ZNF667: variants seen among roughly 807,000 people sequenced by gnomAD.
ZNF667 encodes myocardial ischemic preconditioning upregulated 1 ortholog.
A neutral mutation model predicts 31.8 loss-of-function variants in ZNF667; 13 were observed. That is an observed-to-expected ratio of 0.41 (90% CI 0.27 to 0.65). ZNF667 has a LOEUF of 0.65. Among genes scored for constraint, ZNF667 ranks in the 30% least tolerant of loss-of-function variants. The pLI, the probability that ZNF667 is intolerant of heterozygous loss-of-function variation, is 0.32. For synonymous variants in ZNF667, 228 were observed against 247.1 expected (o/e 0.92, Z 0.73); for missense variants, 642 against 725.6 (o/e 0.88, Z 1.32).
At chr19:56,468,787 C>T (rs549674173) in intron 3 of ZNF667, 2 of 152,244 alleles carry the variant, frequency 1.3e-5, no homozygotes, top group Admixed American at 1.3e-4. Context: ...CAAGTGGGCT[C>T]AACATAATTA....
At chr19:56,463,759 C>A (rs1383795713) in intron 3 of ZNF667, among the ~76,000 whole-genome samples, 2 of 152,108 alleles carry the variant, frequency 1.3e-5, no homozygotes, top group African/African-American at 2.4e-5. Flanking sequence ...CTCCTGGGCT[C>A]AAGCAATCAG....
rs1368916329 is a variant in ZNF667 at position 56,441,270 on chromosome 19, T to C, written c.1725A>G (p.Arg575=). The part of the protein sequence containing the change: ...SSGSDLIRHQ[R]SHSSEKPYEC... Reference sequence around the variant, plus strand: ...CATAGGGTTTCTCTGAAGAATGACTTCTCTGATGTCGAATAAGGTCTGAGC... The same window carrying C: ...CATAGGGTTTCTCTGAAGAATGACTCCTCTGATGTCGAATAAGGTCTGAGC... The change falls in exon 7 of 7, where the codon AGA becomes AGG. Residue 575 remains arginine (R), a synonymous_variant. Transcript: ENST00000504904. This position sits in a 1 kb window ranked among gnomAD's most constrained non-coding sequence, Gnocchi z 4.2. 2 of 1,614,026 alleles carry C rather than the reference T, an allele frequency of 1.2e-6. No homozygotes were observed. The highest frequency in any genetic ancestry group is 1.7e-6 in the Non-Finnish European group (2 of 1,179,986).
chr19:56,470,393 G>A (rs2043266616), intron 3 of ZNF667, among the ~76,000 whole-genome samples: 1 of 152,234 alleles, frequency 6.6e-6, no homozygotes, highest in Non-Finnish European at 1.5e-5. Flanking sequence ...AATGAAAGCT[G>A]TGCTGGCTCC....
intron 3 of ZNF667, among the ~76,000 whole-genome samples, chr19:56,462,745 G>A (rs917464039): frequency 6.6e-6 from 1 of 152,202 alleles, no homozygotes. Context: ...CCAGGTACTG[G>A]GGGGAGAGCA....
intron 4 of ZNF667, among the ~76,000 whole-genome samples, 200 bp downstream of exon 4, chr19:56,462,138 T>C (rs1008960827): frequency 6.6e-6 from 1 of 152,232 alleles, no homozygotes; most frequent in Non-Finnish European, 1.5e-5. Flanking sequence ...ACACTGGGAA[T>C]GGAGAGAGGC....
intron 3 of ZNF667, chr19:56,466,975 G>T (rs73064076): frequency 0.017 from 7,641 of 456,100 alleles, 125 homozygotes; most frequent in Middle Eastern, 0.058. Context: ...CTTTCACTGT[G>T]CTCTGTGACT....
chr19:56,473,559 GC>G (rs1443428676), intron 2 of ZNF667, among the ~76,000 whole-genome samples: 1 of 152,134 alleles, frequency 6.6e-6, no homozygotes, highest in Middle Eastern at 3.2e-3. Context: ...GGGTAATTTT[GC>G]CCCCTATGGG....
At chr19:56,459,819 C>T (rs781580286) in intron 5 of ZNF667, among the ~76,000 whole-genome samples, 24 of 152,186 alleles carry the variant, frequency 1.6e-4, no homozygotes, top group Non-Finnish European at 2.8e-4. Flanking sequence ...CGGGGAAACC[C>T]CATCTCTACT....
intron 5 of ZNF667, among the ~76,000 whole-genome samples, chr19:56,458,726 C>A (rs1250943518): frequency 2.0e-5 from 3 of 152,184 alleles, no homozygotes; most frequent in Non-Finnish European, 2.9e-5. Context: ...GGGTTGCTGA[C>A]CACGTGGAAG....
chr19:56,455,232 A>C (rs1299864457), intron 6 of ZNF667, among the ~76,000 whole-genome samples: 2 of 152,234 alleles, frequency 1.3e-5, no homozygotes, highest in African/African-American at 4.8e-5. Context: ...AATGTAAATT[A>C]GTACAGCCAC....
chr19:56,449,996 AG>A (rs1477125328), intron 6 of ZNF667, among the ~76,000 whole-genome samples: 1 of 151,796 alleles, frequency 6.6e-6, no homozygotes, highest in East Asian at 1.9e-4. Flanking sequence ...TAGACCCAAA[AG>A]GGCATATCTA....
intron 6 of ZNF667, among the ~76,000 whole-genome samples, 189 bp downstream of exon 6, chr19:56,457,966 G>C (rs759432088): frequency 2.6e-4 from 40 of 152,170 alleles, no homozygotes; most frequent in Non-Finnish European, 2.8e-4. Flanking sequence ...ACAGCAAAAA[G>C]GTGCCACCTA....
intron 3 of ZNF667, among the ~76,000 whole-genome samples, chr19:56,469,486 G>A (rs1024521306): frequency 3.9e-5 from 6 of 152,162 alleles, no homozygotes; most frequent in Non-Finnish European, 5.9e-5. Flanking sequence ...TACTTCTGGA[G>A]GGAGTTGTAA....
intron 2 of ZNF667, among the ~76,000 whole-genome samples, chr19:56,473,586 G>A (rs1016449387): frequency 2.0e-5 from 3 of 152,194 alleles, no homozygotes; most frequent in Non-Finnish European, 4.4e-5. Flanking sequence ...TGCAATGTCT[G>A]AGGCTATTTT....
intron 3 of ZNF667, among the ~76,000 whole-genome samples, chr19:56,469,669 A>G (rs1405763815): frequency 6.6e-6 from 1 of 151,032 alleles, no homozygotes; most frequent in Non-Finnish European, 1.5e-5. Context: ...GCCCCCCACC[A>G]CCCTTCACGG....
chr19:56,465,861 G>T (rs146688088), intron 3 of ZNF667, among the ~76,000 whole-genome samples: 2 of 152,204 alleles, frequency 1.3e-5, no homozygotes, highest in Non-Finnish European at 2.9e-5. Flanking sequence ...TTCCCTACAC[G>T]GATATAAAAC....
Position 56,442,007 on chromosome 19 carries a change from A to C in ZNF667, c.988T>G (p.Phe330Val). Residue 330 changes from phenylalanine to valine, a missense_variant, in exon 7 of 7, where the codon TTT becomes GTT. Transcript: ENST00000504904. ...AATTTCCCACATTTTCTGCATTTAA[A>C]AGGATTCTCTAAATGGTGACTTCTT... ...QQRSHHLENP[F>V]KCRKCGKLFN... 1 of 1,614,044 alleles carries C rather than the reference A, an allele frequency of 6.2e-7. No individual in the cohort carries two copies.
rs1167316079 is a variant in ZNF667 at position 56,441,888 on chromosome 19, C to A, written c.1107G>T (p.Arg369=). The A allele has an allele frequency of 1.2e-6, 2 of 1,614,132 alleles. No homozygotes were observed. The highest frequency in any genetic ancestry group is 1.7e-6 in the Non-Finnish European group (2 of 1,180,026). ...KCDKCDKFFR[R]LSTLILHLRI... Reference sequence around the variant, plus strand: ...TTAGATGCAGAATAAGGGTTGAAAGCCGCCTGAAGAACTTGTCACATTTAT... The same window carrying A: ...TTAGATGCAGAATAAGGGTTGAAAGACGCCTGAAGAACTTGTCACATTTAT... Residue 369 remains arginine, a synonymous_variant, in exon 7 of 7, where the codon CGG becomes CGT. Transcript: ENST00000504904. This position sits in a 1 kb window ranked among gnomAD's most constrained non-coding sequence, Gnocchi z 4.2.
At position 56,441,352 on chromosome 19, in the gene ZNF667, CTTCT is replaced by C; in HGVS notation, c.1639_1642del (p.Arg547ValfsTer51). ...TTCATAGGGTTTCTCTCCAGTATGACTTCTTTCATGTAGAATAAGAGATGTGCGC... is the reference window on the plus strand; with the variant it reads ...TTCATAGGGTTTCTCTCCAGTATGACTTCATGTAGAATAAGAGATGTGCGC... On this transcript the variant is annotated frameshift_variant, in exon 7 of 7. Transcript: ENST00000504904. LOFTEE classifies it high-confidence loss of function. The surrounding 1 kb of genome is among the most constrained non-coding windows in gnomAD (Gnocchi z 4.2). 1 of 1,614,104 alleles carries C rather than the reference CTTCT, an allele frequency of 6.2e-7. No homozygotes were observed. Among genetic ancestry groups the C allele is most frequent in the Non-Finnish European group, 8.5e-7 (1 of 1,180,036 alleles).
Sources: gnomAD v4.1 joint callset for allele counts (sites outside exome capture counted in the v4.1 genomes callset) on GRCh38, gnomAD v4.1.1 for gene constraint, Gnocchi (gnomAD v3.1) non-coding constraint, MANE v1.5 for transcripts, NCBI Gene and HGNC (gene_info 2026-07-23, HGNC 2026-07-21) for gene names.